The following MYH13 variants were observed in gnomAD, a reference collection of about 807,000 sequenced individuals.
MYH13 encodes myosin-13.
A neutral mutation model predicts 232.1 loss-of-function variants in MYH13; 177 were observed. That is an observed-to-expected ratio of 0.76 (90% CI 0.67 to 0.86). The LOEUF is 0.86. MYH13 is among the 40% of genes least tolerant of loss of function. The pLI is 0.00. For synonymous variants in MYH13, 884 were observed against 923.5 expected, an observed-to-expected ratio of 0.96 and a Z score of 0.78; for missense variants, 2,246 against 2,405.9, an observed-to-expected ratio of 0.93 and a Z score of 1.39.
chr17:10,324,519 C>T (rs563854544), intron 22 of MYH13, among the ~76,000 whole-genome samples: 1 of 152,120 alleles, frequency 6.6e-6, no homozygotes, highest in Non-Finnish European at 1.5e-5. Context: ...GATCTTTGCT[C>T]ACTGCAACCT....
Position 10,315,821 on chromosome 17 carries a change from A to G in MYH13, c.3866-10T>C, listed in dbSNP as rs1403548093. ...CGGTGGCTCAGCTCCCCTACCAAAC[A>G]GATGTGGCCCCCACGTCAGTGTTAC... On this transcript the variant is annotated splice_polypyrimidine_tract_variant and intron_variant, in intron 28 of 40. Transcript: ENST00000252172. 6.2e-7 allele frequency: 1 copy of G among 1,613,782 alleles called. No homozygotes were observed. The highest frequency in any genetic ancestry group is 1.3e-5 in the African/African-American group (1 of 74,878).
intron 22 of MYH13, among the ~76,000 whole-genome samples, chr17:10,325,200 C>T (rs1395885780): frequency 6.6e-6 from 1 of 152,152 alleles, no homozygotes; most frequent in Non-Finnish European, 1.5e-5. Context: ...TAGAAATTTG[C>T]CACATTTGAA....
chr17:10,324,769 T>TTTTTG (rs1907143142), intron 22 of MYH13: 1 of 150,090 alleles, frequency 6.7e-6, no homozygotes, highest in Non-Finnish European at 1.5e-5. Flanking sequence ...TTTTTTTTTT[T>TTTTTG]TTTTTTTTTT....
intron 12 of MYH13, among the ~76,000 whole-genome samples, chr17:10,349,098 CTCTT>C (rs956649704): frequency 2.0e-5 from 3 of 147,940 alleles, no homozygotes; most frequent in Non-Finnish European, 3.0e-5. Flanking sequence ...CTCTCTCTTT[CTCTT>C]TCTTTCTTTC....
chr17:10,359,122 T>C (rs1004755530), intron 7 of MYH13, among the ~76,000 whole-genome samples: 2 of 152,326 alleles, frequency 1.3e-5, no homozygotes, highest in Non-Finnish European at 2.9e-5. Context: ...GTGATAAATG[T>C]CTTTTTGTGT....
At chr17:10,371,384 T>A (rs535475675) in intron 1 of MYH13, 125 bp from the exon 2 acceptor site, 1 of 152,314 alleles carries the variant, frequency 6.6e-6, no homozygotes, top group South Asian at 2.1e-4. Context: ...CAGTAGATGG[T>A]GTGGAATGAA....
At chr17:10,326,239 A>AAC (rs1907192611) in intron 22 of MYH13, among the ~76,000 whole-genome samples, 1 of 152,208 alleles carries the variant, frequency 6.6e-6, no homozygotes, top group East Asian at 1.9e-4. Flanking sequence ...CTGGGATAGA[A>AAC]ACCCAGTTAT....
rs1234154864 is a variant in MYH13 at position 10,364,277 on chromosome 17, G to GA, written c.204+49dup. 3.2e-6 allele frequency: 5 copies of GA among 1,545,458 alleles called. No individual in the cohort carries two copies. In the Admixed American group the frequency reaches 7.1e-5, roughly 22 times the overall value. On this transcript the variant is annotated intron_variant, in intron 3 of 40. Coordinates refer to ENST00000252172, the MANE Select transcript of MYH13 (RefSeq NM_003802.3). Reference sequence around the variant, plus strand: ...GCAATTTCTAATATTCTACTCCAAAGAAAAATGAGCATGCCCATATTATCA... The same window carrying GA: ...GCAATTTCTAATATTCTACTCCAAAGAAAAAATGAGCATGCCCATATTATCA...
chr17:10,337,783 G>A (rs1018993930), intron 18 of MYH13, among the ~76,000 whole-genome samples: 15 of 152,290 alleles, frequency 9.8e-5, no homozygotes, highest in African/African-American at 3.6e-4. Flanking sequence ...GGCCGGGCGC[G>A]GTGGCTCACG....
chr17:10,341,648 A>G (rs1256861755), intron 16 of MYH13, among the ~76,000 whole-genome samples: 1 of 152,100 alleles, frequency 6.6e-6, no homozygotes, highest in Non-Finnish European at 1.5e-5. Context: ...CCCGGGGTCT[A>G]GCATGACTGT....
intron 1 of MYH13, 75 bp downstream of exon 1, chr17:10,372,904 C>G (rs1478299471): frequency 6.6e-6 from 1 of 152,164 alleles, no homozygotes; most frequent in Non-Finnish European, 1.5e-5. Context: ...ATTGTCTTCC[C>G]CCCTTGACTG....
rs1906704046 is a variant in MYH13, at chr17:10,316,163, C to A, written c.3739-138G>T. On this transcript the variant is annotated intron_variant, in intron 27 of 40. Transcript: ENST00000252172. ...TACAGAACAAAAAAAAGTTCAGTTT[C>A]AAAAAAATCATAATCGGCCAGGCGC... The A allele has an allele frequency of 2.3e-5, 27 of 1,171,544 alleles. 1 individual carries two copies. In the South Asian group the frequency reaches 4.0e-4, roughly 17 times the overall value. The allele number at this position is 1,171,544 out of a possible 1,614,324, so 72.6% of individuals were successfully genotyped here.
chr17:10,358,906 A>G (rs2071769832), intron 7 of MYH13, among the ~76,000 whole-genome samples: 1 of 152,198 alleles, frequency 6.6e-6, no homozygotes. Context: ...CCACTGGTGT[A>G]AACATTCCTT....
intron 2 of MYH13, among the ~76,000 whole-genome samples, chr17:10,366,554 T>C (rs1283738962): frequency 1.3e-5 from 2 of 151,980 alleles, no homozygotes; most frequent in African/African-American, 4.8e-5. Flanking sequence ...CTAATTTTTG[T>C]ATTCTTAGTA....
rs373937805 is a variant in MYH13 at position 10,345,377 on chromosome 17, G to T, written c.1414-5C>A. On this transcript the variant is annotated splice_polypyrimidine_tract_variant and splice_region_variant and intron_variant, in intron 14 of 40. Transcript: ENST00000252172. ...CAGCTGCTCCAGGCTGTTGAACTGG[G>T]TGATTCAAATACCAAAGAATTTGAG... 1.3e-5 allele frequency: 21 copies of T among 1,614,120 alleles called. No individual in the cohort carries two copies. The highest frequency in any genetic ancestry group is 1.7e-5 in the Non-Finnish European group (20 of 1,180,060).
chr17:10,321,824 ACTT>A, intron 23 of MYH13, 116 bp from the exon 24 acceptor site: 2 of 883,238 alleles, frequency 2.3e-6, no homozygotes, highest in Non-Finnish European at 3.4e-6. Flanking sequence ...TTTGGCTACT[ACTT>A]TTTTACCTCC....
intron 35 of MYH13, among the ~76,000 whole-genome samples, chr17:10,308,153 C>T (rs1052069747): frequency 4.0e-5 from 6 of 151,844 alleles, no homozygotes; most frequent in Admixed American, 6.6e-5. Context: ...GGTGAAACCC[C>T]GTCTCTACAA....
intron 7 of MYH13, among the ~76,000 whole-genome samples, chr17:10,358,908 A>AC (rs2071769864): frequency 6.6e-6 from 1 of 152,200 alleles, no homozygotes; most frequent in Non-Finnish European, 1.5e-5. Flanking sequence ...ACTGGTGTAA[A>AC]CATTCCTTCT....
At chr17:10,347,708 ACTT>A (rs1416082745) in intron 12 of MYH13, among the ~76,000 whole-genome samples, 1 of 110,386 alleles carries the variant, frequency 9.1e-6, no homozygotes, top group South Asian at 3.1e-4. Flanking sequence ...CCCAGGGACT[ACTT>A]CTTTTTTTTT....
Sources: gnomAD v4.1 joint callset for allele counts (sites outside exome capture counted in the v4.1 genomes callset) on GRCh38, gnomAD v4.1.1 for gene constraint, MANE v1.5 for transcripts, NCBI Gene and HGNC (gene_info 2026-07-23, HGNC 2026-07-21) for gene names.